The following SNX9 variants were observed in gnomAD, a reference collection of about 807,000 sequenced individuals.
SNX9 encodes the protein sorting nexin 9, also known as sorting nexin-9.
Under a neutral mutation model 89.4 loss-of-function variants are expected in SNX9, and 44 were observed. The ratio of observed to expected loss-of-function variants is 0.49; its 90% CI spans 0.39 to 0.63. SNX9 has a LOEUF of 0.63. Ranked by LOEUF, SNX9 falls within the 30% of genes least tolerant of loss-of-function variation. The pLI, the probability that SNX9 is intolerant of heterozygous loss-of-function variation, is 0.00. For synonymous variants in SNX9, 236 were observed against 247.8 expected (o/e 0.95, Z 0.45); for missense variants, 578 against 736.1 (o/e 0.79, Z 2.49).
At chr6:157,896,370 G>A (rs531032553) in intron 4 of SNX9, among the ~76,000 whole-genome samples, 1 of 152,230 alleles carries the variant, frequency 6.6e-6, no homozygotes, top group South Asian at 2.1e-4. Context: ...ATGTTGAGTG[G>A]GAAAAAGAAA....
intron 7 of SNX9, among the ~76,000 whole-genome samples, chr6:157,909,382 T>C (rs1186991295): frequency 6.6e-6 from 1 of 152,224 alleles, no homozygotes; most frequent in Admixed American, 6.5e-5. Flanking sequence ...AGAAACATTG[T>C]CTTGTAACCA....
At chr6:157,931,358 A>G (rs1322240411) in intron 12 of SNX9, among the ~76,000 whole-genome samples, 2 of 152,210 alleles carry the variant, frequency 1.3e-5, no homozygotes, top group African/African-American at 4.8e-5. Flanking sequence ...AATATTTTTT[A>G]AAGAAACATT....
chr6:157,902,814 T>C (rs1000144916), intron 6 of SNX9, among the ~76,000 whole-genome samples: 3 of 152,036 alleles, frequency 2.0e-5, no homozygotes, highest in African/African-American at 4.8e-5. Flanking sequence ...ATTACAAACA[T>C]GTGCCACCGC....
At chr6:157,880,715 C>A (rs1281987290) in intron 4 of SNX9, among the ~76,000 whole-genome samples, 1 of 152,190 alleles carries the variant, frequency 6.6e-6, no homozygotes, top group Admixed American at 6.5e-5. Context: ...GATTGAGATC[C>A]ATTGTTCTAA....
At chr6:157,850,754 C>A (rs957545205) in intron 1 of SNX9, among the ~76,000 whole-genome samples, 2 of 152,158 alleles carry the variant, frequency 1.3e-5, no homozygotes, top group Non-Finnish European at 2.9e-5. Context: ...TTCCTGAAGG[C>A]TCCTGGCAGG....
In SNX9 at chr6:157,850,159, C is replaced by T. The variant is rs1054085701; in HGVS notation, c.13-17388C>T. On this transcript the variant is annotated intron_variant, in intron 1 of 17. Transcript: ENST00000392185. ...AGGAAGAGTGGACAGCAATGTCAGA[C>T]GCAGTCAGGCAGTCAGGTGGGTTGA... Among the ~76,000 whole-genome samples the T allele has an allele frequency of 1.1e-4, 17 of 152,198 alleles. 1 individual carries two copies. Among genetic ancestry groups the T allele is most frequent in the African/African-American group, 1.2e-4 (5 of 41,510 alleles).
Position 157,901,944 on chromosome 6 carries a change from A to T in SNX9, c.519A>T (p.Lys173Asn). The change falls in exon 6 of 18, where the codon AAA becomes AAT. Residue 173 changes from lysine (K) to asparagine (N), a missense_variant. Around this residue, in one of 2 missense-constraint regions of SNX9, gnomAD observed 230 missense variants for 244.7 expected, o/e 0.94. Transcript: ENST00000392185. ...DDWDEDWDGP[K>N]SSSYFKDSES... ...GGGATGAAGACTGGGATGGGCCCAA[A>T]TCCTCTTCCTACTTTAAGGATTCAG... is the stretch of plus-strand genomic sequence containing the variant. 6.2e-7 allele frequency: 1 copy of T among 1,613,374 alleles called. No homozygotes were observed. The highest frequency in any genetic ancestry group is 2.2e-5 in the East Asian group (1 of 44,844).
intron 17 of SNX9, among the ~76,000 whole-genome samples, chr6:157,941,877 A>G (rs532133034): frequency 1.3e-5 from 2 of 152,354 alleles, no homozygotes; most frequent in African/African-American, 4.8e-5. Context: ...GTCCTCCCTT[A>G]CAGGACGTGG....
At chr6:157,865,988 A>G (rs1324747732) in intron 1 of SNX9, among the ~76,000 whole-genome samples, 1 of 152,226 alleles carries the variant, frequency 6.6e-6, no homozygotes, top group Non-Finnish European at 1.5e-5. Flanking sequence ...TCCTAGGCGC[A>G]TGTGATCCCC....
intron 9 of SNX9, among the ~76,000 whole-genome samples, chr6:157,914,146 C>A (rs898498884): frequency 6.6e-6 from 1 of 152,186 alleles, no homozygotes; most frequent in Non-Finnish European, 1.5e-5. Context: ...CACATCCCTA[C>A]CTGCACTTGA....
chr6:157,837,400 C>T (rs1446791523), intron 1 of SNX9, among the ~76,000 whole-genome samples: 1 of 152,052 alleles, frequency 6.6e-6, no homozygotes, highest in Non-Finnish European at 1.5e-5. Flanking sequence ...ATGTTCCTAC[C>T]GTGATTATAT....
At position 157,932,891 on chromosome 6, in the gene SNX9, AAAAG is replaced by A. The variant is rs1455059737; in HGVS notation, c.1366+620_1366+623del. Among the ~76,000 whole-genome samples the A allele has an allele frequency of 2.8e-3, 386 of 139,288 alleles. 3 individuals carry two copies. Among genetic ancestry groups the A allele is most frequent in the African/African-American group, 0.01 (370 of 35,670 alleles). The allele number at this position is 139,288 out of a possible 152,430, so 91.4% of individuals were successfully genotyped here. The stretch of plus-strand genomic sequence containing the variant: ...CAAAAAAAAAAAAAAAAAAAAAAAA[AAAAG>A]CCAGATTTCATCAAGGCCATTTCAA... On this transcript the variant is annotated intron_variant, in intron 13 of 17. Transcript: ENST00000392185.
intron 5 of SNX9, among the ~76,000 whole-genome samples, 193 bp downstream of exon 5, chr6:157,897,191 C>CGTG (rs1782997925): frequency 6.6e-6 from 1 of 152,176 alleles, no homozygotes; most frequent in Non-Finnish European, 1.5e-5. Context: ...GTCCTACAGT[C>CGTG]ATGACACTGT....
At chr6:157,940,741 T>C in intron 16 of SNX9, 142 bp from the exon 17 acceptor site, 1 of 682,298 alleles carries the variant, frequency 1.5e-6, no homozygotes, top group African/African-American at 1.8e-5. Flanking sequence ...AACCTCTTAG[T>C]AAAGTGATTT....
At position 157,823,480 on chromosome 6, in the gene SNX9, C is replaced by T; in HGVS notation, c.12+34C>T. On this transcript the variant is annotated intron_variant, in intron 1 of 17. Coordinates refer to ENST00000392185, the MANE Select transcript of SNX9 (RefSeq NM_016224.5). The surrounding 1 kb of genome is among the most constrained non-coding windows in gnomAD (Gnocchi z 4.6). ...CGCGCGGCGCAGGCCGGGCCGGTCGCTCAGGCCCGGGGCGGCGCGGAGAGG... is the reference window on the plus strand; with the variant it reads ...CGCGCGGCGCAGGCCGGGCCGGTCGTTCAGGCCCGGGGCGGCGCGGAGAGG... The T allele has an allele frequency of 5.9e-6, 7 of 1,184,726 alleles. No individual in the cohort carries two copies. The highest frequency in any genetic ancestry group is 1.6e-5 in the African/African-American group (1 of 61,500). 73.4% of individuals were successfully genotyped at this position (1,184,726 alleles called of 1,614,324 possible).
Position 157,944,302 on chromosome 6 carries a change from GT to G in SNX9, c.*1466del, listed in dbSNP as rs1311230422. The stretch of plus-strand genomic sequence containing the variant: ...AATCAAATGAATATGAGAACATCTT[GT>G]TCTTCAATATCACGGGTTTTTGTTA... On this transcript the variant is annotated 3_prime_UTR_variant, in exon 18 of 18. Coordinates refer to ENST00000392185, the MANE Select transcript of SNX9 (RefSeq NM_016224.5). 2.0e-5 allele frequency: 3 copies of G among 152,628 alleles called. No individual in the cohort carries two copies. The highest frequency in any genetic ancestry group is 7.2e-5 in the African/African-American group (3 of 41,460). 9.5% of individuals were successfully genotyped at this position (152,628 alleles called of 1,614,324 possible).
chr6:157,829,074 A>T (rs1425688105), intron 1 of SNX9: 1 of 151,982 alleles, frequency 6.6e-6, no homozygotes, highest in African/African-American at 2.4e-5. Flanking sequence ...TCTTTTAATC[A>T]TGTGTTTTAG....
intron 1 of SNX9, among the ~76,000 whole-genome samples, chr6:157,840,706 T>C (rs190963792): frequency 5.3e-5 from 8 of 152,312 alleles, no homozygotes; most frequent in Admixed American, 3.3e-4. Flanking sequence ...TCAGAAGGAT[T>C]GACACAGTAT....
At chr6:157,855,590 T>C (rs1201925931) in intron 1 of SNX9, among the ~76,000 whole-genome samples, 5 of 152,216 alleles carry the variant, frequency 3.3e-5, no homozygotes, top group Non-Finnish European at 5.9e-5. Context: ...AACTGTTTCA[T>C]TTTATATTCT....
Sources: gnomAD v4.1 joint callset for allele counts (sites outside exome capture counted in the v4.1 genomes callset) on GRCh38, gnomAD v4.1.1 for gene constraint, gnomAD v4.1.1 regional missense constraint, Gnocchi (gnomAD v3.1) non-coding constraint, MANE v1.5 for transcripts, NCBI Gene and HGNC (gene_info 2026-07-23, HGNC 2026-07-21) for gene names.